AP1G1: variants seen among roughly 807,000 people sequenced by gnomAD.
The protein encoded by AP1G1 is adaptor related protein complex 1 subunit gamma 1, also known as AP-1 complex subunit gamma-1.
Under a neutral mutation model 108.3 loss-of-function variants are expected in AP1G1, and 7 were observed. That is an observed-to-expected ratio of 0.06 (90% CI 0.04 to 0.12). The LOEUF is 0.12. AP1G1 is among the 10% of genes least tolerant of loss of function. The pLI is 1.00. For missense variants in AP1G1, 756 were observed against 1,010.7 expected, an observed-to-expected ratio of 0.75 and a Z score of 3.42; for synonymous variants, 379 against 353.5, an observed-to-expected ratio of 1.07 and a Z score of -0.81.
chr16:71,800,087 G>A (rs545899317), intron 1 of AP1G1, among the ~76,000 whole-genome samples: 79 of 150,234 alleles, frequency 5.3e-4, no homozygotes, highest in Non-Finnish European at 9.5e-4. Context: ...TTATATTGCC[G>A]GGCACGGTGG....
rs2032985591 is a variant in AP1G1 at position 71,806,002 on chromosome 16, T to TGAGA, written c.-4+2757_-4+2760dup. 2.7e-5 allele frequency among the ~76,000 whole-genome samples: 4 copies of TGAGA among 149,712 alleles called. No individual in the cohort carries two copies. The South Asian group carries it at 8.5e-4, about 32-fold the overall frequency. ...CTGCACTCCAGCCTGGGCAACAGAG[T>TGAGA]GAGACCCTGTCTCAAACAATAAAAA... On this transcript the variant is annotated intron_variant, in intron 1 of 22. Coordinates refer to ENST00000299980, the MANE Select transcript of AP1G1 (RefSeq NM_001128.6).
chr16:71,762,761 A>G (rs1042000487), intron 9 of AP1G1, among the ~76,000 whole-genome samples: 1 of 152,178 alleles, frequency 6.6e-6, no homozygotes, highest in African/African-American at 2.4e-5. Flanking sequence ...CAAACCAGCA[A>G]GCATAAGTAA....
chr16:71,799,925 TAAA>T (rs35393505), intron 1 of AP1G1, among the ~76,000 whole-genome samples: 165 of 142,784 alleles, frequency 1.2e-3, no homozygotes, highest in South Asian at 2.0e-3. Context: ...ATAATAATAA[TAAA>T]AAATTATATT....
intron 9 of AP1G1, among the ~76,000 whole-genome samples, chr16:71,763,343 T>C (rs967474747): frequency 6.6e-6 from 1 of 152,166 alleles, no homozygotes. Context: ...AGAATGGTGG[T>C]TGCCAGGGAC....
intron 6 of AP1G1, chr16:71,768,012 A>G: frequency 1.9e-6 from 2 of 1,040,790 alleles, no homozygotes; most frequent in Non-Finnish European, 2.8e-6. Context: ...AAGGGAAAAA[A>G]AGCCAAAAAA....
At position 71,756,179 on chromosome 16, in the gene AP1G1, A is replaced by T. The variant is rs2030773582; in HGVS notation, c.1089-20T>A. On this transcript the variant is annotated intron_variant, in intron 11 of 22. Coordinates refer to ENST00000299980, the MANE Select transcript of AP1G1 (RefSeq NM_001128.6). ...GCACGCCTTGCAGAAGGGAAAAATT[A>T]AAAACAGTTAAGAAATTTATAGTGG... 1 of 1,599,220 alleles carries T rather than the reference A, an allele frequency of 6.3e-7. No individual in the cohort carries two copies.
intron 1 of AP1G1, among the ~76,000 whole-genome samples, chr16:71,798,018 C>T (rs945524944): frequency 4.0e-5 from 6 of 151,790 alleles, no homozygotes; most frequent in African/African-American, 1.2e-4. Flanking sequence ...AAATAAAATA[C>T]GTAGGAATAA....
intron 12 of AP1G1, among the ~76,000 whole-genome samples, chr16:71,754,509 A>G (rs1030410963): frequency 7.2e-5 from 11 of 152,246 alleles, no homozygotes; most frequent in African/African-American, 2.7e-4. Flanking sequence ...AAAAAGGTAT[A>G]CAGTCAACTG....
At chr16:71,774,290 A>G in intron 3 of AP1G1, 178 bp downstream of exon 3, 1 of 599,074 alleles carries the variant, frequency 1.7e-6, no homozygotes, top group Non-Finnish European at 2.8e-6. Context: ...AGGCAGGAGA[A>G]TCACTTCAAC....
At chr16:71,748,194 T>C in intron 16 of AP1G1, 57 bp downstream of exon 16, 1 of 1,566,118 alleles carries the variant, frequency 6.4e-7, no homozygotes. Context: ...TTTTGGGATT[T>C]TTTTTGTTTT....
chr16:71,786,041 C>A (rs1348868949), intron 2 of AP1G1, among the ~76,000 whole-genome samples: 1 of 152,046 alleles, frequency 6.6e-6, no homozygotes, highest in Non-Finnish European at 1.5e-5. Flanking sequence ...AAGATGGTGA[C>A]TCATTGAAAC....
chr16:71,736,480 A>G lies in AP1G1; in HGVS notation c.2269-1773T>C, dbSNP rs530715763. Among the ~76,000 whole-genome samples, 5 of 150,472 alleles carry G rather than the reference A, an allele frequency of 3.3e-5. No individual in the cohort carries two copies. In the South Asian group the frequency reaches 1.0e-3, roughly 31 times the overall value. On this transcript the variant is annotated intron_variant, in intron 21 of 22. Coordinates refer to ENST00000299980, the MANE Select transcript of AP1G1 (RefSeq NM_001128.6). ...ACTGCAAGCTCCATCTCCCAGGTTC[A>G]TGCCATTCTCCTGCCTCAGCCTCCT...
At chr16:71,749,814 C>G in intron 15 of AP1G1, 80 bp downstream of exon 15, 1 of 1,231,128 alleles carries the variant, frequency 8.1e-7, no homozygotes, top group Non-Finnish European at 1.2e-6. Context: ...AGGAATCAAC[C>G]TCAACTCCCC....
At position 71,752,149 on chromosome 16, in the gene AP1G1, G is replaced by C. The variant is rs184388719; in HGVS notation, c.1284+1684C>G. ...GAAAACAAATCACATGATCATAAGA[G>C]AACACAAGTCAGTTAGAAAAATAAA... On this transcript the variant is annotated intron_variant, in intron 13 of 22. Transcript: ENST00000299980. 4.9e-4 allele frequency among the ~76,000 whole-genome samples: 75 copies of C among 151,942 alleles called. No individual in the cohort carries two copies. The Middle Eastern group carries it at 0.01, about 21-fold the overall frequency.
chr16:71,764,507 T>G, intron 8 of AP1G1, 59 bp from the exon 9 acceptor site: 1 of 1,338,780 alleles, frequency 7.5e-7, no homozygotes. Flanking sequence ...CCAAAACATA[T>G]TCACAGGTAA....
intron 13 of AP1G1, among the ~76,000 whole-genome samples, chr16:71,751,807 T>C (rs1281320662): frequency 6.6e-6 from 1 of 152,106 alleles, no homozygotes; most frequent in Non-Finnish European, 1.5e-5. Context: ...ACATAAATCA[T>C]AGACAGTATG....
chr16:71,808,255 TAG>T (rs2033067014), intron 1 of AP1G1: 8 of 1,035,692 alleles, frequency 7.7e-6, no homozygotes, highest in Non-Finnish European at 9.7e-6. Context: ...GTCGGAAGGT[TAG>T]AGAGAGGCGA....
chr16:71,757,970 T>G (rs572900515), intron 11 of AP1G1, among the ~76,000 whole-genome samples: 1 of 152,348 alleles, frequency 6.6e-6, no homozygotes, highest in Non-Finnish European at 1.5e-5. Flanking sequence ...TGGCCTGCTC[T>G]GAGAACCCAC....
chr16:71,791,090 A>T (rs946303406), intron 1 of AP1G1, among the ~76,000 whole-genome samples: 6 of 152,048 alleles, frequency 3.9e-5, no homozygotes, highest in African/African-American at 1.4e-4. Flanking sequence ...GCATGGTGGC[A>T]CACACCTGTA....
Sources: allele counts gnomAD v4.1 joint callset (sites outside exome capture counted in the v4.1 genomes callset), GRCh38; gene constraint gnomAD v4.1.1; transcripts MANE v1.5; gene names NCBI Gene and HGNC (gene_info 2026-07-23, HGNC 2026-07-21).